The following FOXN3 variants were observed in gnomAD, a reference collection of about 807,000 sequenced individuals.
FOXN3 encodes the protein forkhead box N3, also known as forkhead box protein N3.
In FOXN3, 7 loss-of-function variants were observed where a neutral mutation model predicts 38.4. That is an observed-to-expected ratio of 0.18 (90% CI 0.10 to 0.34). The LOEUF is 0.34. Ranked by LOEUF, FOXN3 falls within the 10% of genes least tolerant of loss-of-function variation. The pLI is 1.00. For synonymous variants in FOXN3, 230 were observed against 242.2 expected (o/e 0.95, Z 0.47); for missense variants, 456 against 613.4 (o/e 0.74, Z 2.71).
At chr14:89,572,108 C>T (rs1006775248) in intron 1 of FOXN3, among the ~76,000 whole-genome samples, 13 of 152,080 alleles carry the variant, frequency 8.5e-5, no homozygotes, top group African/African-American at 2.7e-4. Context: ...TTTAGCCTTT[C>T]GGTAACAATG....
chr14:89,530,534 T>C (rs974090710), intron 1 of FOXN3, among the ~76,000 whole-genome samples: 1 of 152,122 alleles, frequency 6.6e-6, no homozygotes, highest in Admixed American at 6.6e-5. Context: ...CAAGATAAGA[T>C]TTGGGTAGGG....
intron 4 of FOXN3, among the ~76,000 whole-genome samples, chr14:89,194,150 G>A (rs1012070526): frequency 4.6e-5 from 7 of 151,988 alleles, no homozygotes; most frequent in African/African-American, 1.7e-4. Context: ...TTTCTTAAGA[G>A]TGTCTTTTAA....
intron 1 of FOXN3, among the ~76,000 whole-genome samples, chr14:89,426,473 C>T (rs1030980161): frequency 3.9e-5 from 6 of 151,968 alleles, no homozygotes; most frequent in Non-Finnish European, 7.4e-5. Context: ...GTGACCCACC[C>T]GCCTCGGCCT....
intron 1 of FOXN3, among the ~76,000 whole-genome samples, chr14:89,493,528 G>C (rs941845496): frequency 6.6e-6 from 1 of 152,150 alleles, no homozygotes; most frequent in African/African-American, 2.4e-5. Flanking sequence ...GGCAGCATGA[G>C]ATCAACACAG....
At chr14:89,418,203 A>G (rs902731911), upstream of FOXN3, among the ~76,000 whole-genome samples, 1 of 152,124 alleles carries the variant, frequency 6.6e-6, no homozygotes, top group Non-Finnish European at 1.5e-5. Context: ...TGGTTCCTCT[A>G]CAGAGGAGAA....
At chr14:89,545,639 T>C (rs943844805) in intron 1 of FOXN3, among the ~76,000 whole-genome samples, 2 of 152,216 alleles carry the variant, frequency 1.3e-5, no homozygotes, top group Non-Finnish European at 2.9e-5. Flanking sequence ...AAAGTGCAAC[T>C]TGATGGAAAC....
chr14:89,165,306 T>C (rs1180290246), intron 5 of FOXN3, among the ~76,000 whole-genome samples: 1 of 152,216 alleles, frequency 6.6e-6, no homozygotes, highest in Non-Finnish European at 1.5e-5. Context: ...CTTCCTCATC[T>C]ACCTTGTGGG....
At chr14:89,559,725 G>C (rs959661405) in intron 1 of FOXN3, among the ~76,000 whole-genome samples, 1 of 152,120 alleles carries the variant, frequency 6.6e-6, no homozygotes, top group African/African-American at 2.4e-5. Flanking sequence ...AAAAGAACTT[G>C]TTTGTAAAAA....
chr14:89,593,130 G>A (rs1464737525), intron 1 of FOXN3, among the ~76,000 whole-genome samples: 2 of 141,206 alleles, frequency 1.4e-5, no homozygotes, highest in African/African-American at 2.7e-5. Context: ...AAGGAAGGAG[G>A]GAAGGAGGGA....
chr14:89,597,953 TTTTA>T (rs1295233805), intron 1 of FOXN3, among the ~76,000 whole-genome samples: 2 of 152,150 alleles, frequency 1.3e-5, no homozygotes, highest in South Asian at 2.1e-4. Context: ...TTCTACTATT[TTTTA>T]TTTGTCTCAC....
At chr14:89,587,920 C>T (rs1292961022) in intron 1 of FOXN3, among the ~76,000 whole-genome samples, 9 of 125,346 alleles carry the variant, frequency 7.2e-5, no homozygotes, top group African/African-American at 1.8e-4. Context: ...GGTAAATTAA[C>T]AGATAGAGCA....
At chr14:89,516,327 A>G (rs765874140) in intron 1 of FOXN3, among the ~76,000 whole-genome samples, 9 of 152,192 alleles carry the variant, frequency 5.9e-5, no homozygotes, top group Non-Finnish European at 1.3e-4. Flanking sequence ...CACAGGCCAG[A>G]TGGAAATGGA....
chr14:89,279,308 C>T (rs185115248), intron 4 of FOXN3, among the ~76,000 whole-genome samples: 3 of 152,284 alleles, frequency 2.0e-5, no homozygotes, highest in East Asian at 3.9e-4. Context: ...AGTCTACACC[C>T]GCAGGATAAT....
At chr14:89,350,532 T>TTAAA in intron 3 of FOXN3, 140 bp downstream of exon 3, 1 of 712,444 alleles carries the variant, frequency 1.4e-6, no homozygotes, top group Admixed American at 3.5e-5. Context: ...ATATGCCTCC[T>TTAAA]AATAATACTT....
chr14:89,452,743 ATG>A (rs2139713924), intron 1 of FOXN3, among the ~76,000 whole-genome samples: 1 of 152,346 alleles, frequency 6.6e-6, no homozygotes, highest in East Asian at 1.9e-4. Context: ...TCAAAAGGAA[ATG>A]AAGGAAAATG....
At position 89,330,672 on chromosome 14, in the gene FOXN3, C is replaced by G. The variant is rs367999614; in HGVS notation, c.680+20000G>C. On this transcript the variant is annotated intron_variant, in intron 3 of 5. Coordinates refer to ENST00000557258, the MANE Select transcript of FOXN3 (RefSeq NM_005197.4). The stretch of plus-strand genomic sequence containing the variant: ...ATAAACGATGTTTTTCCTTGGCATT[C>G]CAAAAGCAAATTGTGGGTTTATCCA... 8.5e-5 allele frequency among the ~76,000 whole-genome samples: 13 copies of G among 152,338 alleles called. No individual in the cohort carries two copies. In the East Asian group the frequency reaches 1.3e-3, roughly 16 times the overall value.
At chr14:89,224,328 C>T (rs867480962) in intron 4 of FOXN3, among the ~76,000 whole-genome samples, 53 of 152,120 alleles carry the variant, frequency 3.5e-4, no homozygotes, top group African/African-American at 1.3e-3. Flanking sequence ...AATAAAAGGC[C>T]TCCTTAAAAG....
chr14:89,452,227 C>A (rs1022852442), intron 1 of FOXN3, among the ~76,000 whole-genome samples: 3 of 152,070 alleles, frequency 2.0e-5, no homozygotes, highest in Non-Finnish European at 4.4e-5. Context: ...ACTCTAAGAA[C>A]AAGGAGGTCC....
chr14:89,311,552 T>C (rs377095222), intron 3 of FOXN3, among the ~76,000 whole-genome samples: 64 of 144,944 alleles, frequency 4.4e-4, no homozygotes, highest in Middle Eastern at 3.8e-3. Context: ...TGTGGCCGGG[T>C]GCAGTGGCTC....
Sources: allele counts gnomAD v4.1 joint callset (sites outside exome capture counted in the v4.1 genomes callset), GRCh38; gene constraint gnomAD v4.1.1; transcripts MANE v1.5; gene names NCBI Gene and HGNC (gene_info 2026-07-23, HGNC 2026-07-21).